THRB: variants seen among roughly 807,000 people sequenced by gnomAD.
THRB encodes thyroid hormone receptor beta.
In THRB, 12 loss-of-function variants were observed where a neutral mutation model predicts 47.8. The observed-to-expected ratio is 0.25, with a 90% CI of 0.16 to 0.41. The LOEUF (loss-of-function observed/expected upper bound fraction) is 0.41. THRB is among the 10% of genes least tolerant of loss of function. The pLI is 1.00. For synonymous variants in THRB, 218 were observed against 212.2 expected (o/e 1.03, Z -0.24); for missense variants, 348 against 589.2 (o/e 0.59, Z 4.24).
intron 4 of THRB, among the ~76,000 whole-genome samples, chr3:24,190,706 G>C (rs1368894552): frequency 1.3e-5 from 2 of 151,958 alleles, no homozygotes; most frequent in Non-Finnish European, 2.9e-5. Context: ...GGCTGGCCGT[G>C]AACACTTTTC....
chr3:24,459,238 G>C (rs906601664), intron 1 of THRB: 28 of 152,176 alleles, frequency 1.8e-4, no homozygotes, highest in African/African-American at 6.5e-4. Context: ...GTTTGTGATA[G>C]CTTGCTGAGA....
At chr3:24,308,404 G>C (rs979282361) in intron 2 of THRB, among the ~76,000 whole-genome samples, 1 of 152,174 alleles carries the variant, frequency 6.6e-6, no homozygotes, top group East Asian at 1.9e-4. Context: ...TCTTTGCCAA[G>C]CCTTGTTTGA....
intron 1 of THRB, among the ~76,000 whole-genome samples, chr3:24,386,473 C>A (rs2066113107): frequency 6.6e-6 from 1 of 152,078 alleles, no homozygotes; most frequent in Non-Finnish European, 1.5e-5. Context: ...GGAATAAAAA[C>A]CCCAACCCCT....
rs938074190 is a variant in THRB at position 24,479,142 on chromosome 3, C to CA, written c.-261+15509dup. ...TGAAACCCCGTCTCTATTAAAAATA[C>CA]AAAAAAAAAATTTGCCTGGCGTGGT... On this transcript the variant is annotated intron_variant, in intron 1 of 10. Transcript: ENST00000646209. Among the ~76,000 whole-genome samples, 498 of 149,420 alleles carry CA rather than the reference C, an allele frequency of 3.3e-3. 3 individuals carry two copies. The highest frequency in any genetic ancestry group is 9.7e-3 in the African/African-American group (396 of 40,858).
chr3:24,391,621 A>G (rs2066574480), intron 1 of THRB, among the ~76,000 whole-genome samples: 1 of 152,184 alleles, frequency 6.6e-6, no homozygotes, highest in African/African-American at 2.4e-5. Context: ...ACGTATAAAC[A>G]GGGCATTCAT....
At chr3:24,170,236 C>T (rs1464142598) in intron 5 of THRB, among the ~76,000 whole-genome samples, 1 of 152,184 alleles carries the variant, frequency 6.6e-6, no homozygotes, top group Non-Finnish European at 1.5e-5. Context: ...CCCTTCACTA[C>T]CTAAATCCAA....
intron 2 of THRB, among the ~76,000 whole-genome samples, chr3:24,316,564 G>A (rs2058126507): frequency 6.7e-6 from 1 of 148,524 alleles, no homozygotes; most frequent in African/African-American, 2.5e-5. Context: ...TGCCCCTAGA[G>A]TCTACACAAC....
intron 1 of THRB, among the ~76,000 whole-genome samples, chr3:24,473,844 A>C (rs1172056643): frequency 6.6e-6 from 1 of 152,204 alleles, no homozygotes; most frequent in East Asian, 1.9e-4. Context: ...AGGAACAGAA[A>C]ACCAAACACC....
chr3:24,469,273 ATAGCACAATTTC>A (rs2074382606), intron 1 of THRB, among the ~76,000 whole-genome samples: 1 of 152,216 alleles, frequency 6.6e-6, no homozygotes, highest in South Asian at 2.1e-4. Flanking sequence ...TTCTGGGCTC[ATAGCACAATTTC>A]TAGCACATAA....
At chr3:24,354,474 G>A (rs976539531) in intron 1 of THRB, among the ~76,000 whole-genome samples, 15 of 152,118 alleles carry the variant, frequency 9.9e-5, no homozygotes, top group Non-Finnish European at 1.9e-4. Context: ...GAGTGACTAG[G>A]ATCTCACCAT....
chr3:24,481,680 T>C (rs1414037802), intron 1 of THRB, among the ~76,000 whole-genome samples: 1 of 152,040 alleles, frequency 6.6e-6, no homozygotes, highest in African/African-American at 2.4e-5. Flanking sequence ...CATGTTTCAG[T>C]GGGGCAGAAC....
chr3:24,169,675 AATAATATATATTATATATATATATT>A (rs1022796818), intron 5 of THRB, among the ~76,000 whole-genome samples: 1 of 147,924 alleles, frequency 6.8e-6, no homozygotes, highest in African/African-American at 2.5e-5. Context: ...TAATAATTAT[AATAATATATATTATATATATATATT>A]ATAATATATA....
chr3:24,193,332 T>G (rs997364994), intron 4 of THRB, among the ~76,000 whole-genome samples: 1 of 152,180 alleles, frequency 6.6e-6, no homozygotes, highest in African/African-American at 2.4e-5. Context: ...AGACCAGGCT[T>G]TTTGAAATTT....
intron 3 of THRB, among the ~76,000 whole-genome samples, chr3:24,287,007 G>A (rs955353925): frequency 6.6e-6 from 1 of 152,104 alleles, no homozygotes; most frequent in African/African-American, 2.4e-5. Flanking sequence ...AAATTCCAAG[G>A]AATAAAATTT....
chr3:24,203,160 C>T (rs1359299948), intron 4 of THRB, among the ~76,000 whole-genome samples: 3 of 152,326 alleles, frequency 2.0e-5, no homozygotes, highest in East Asian at 1.9e-4. Flanking sequence ...TGCCTGGAAT[C>T]CCAGCACTTT....
chr3:24,133,472 A>T lies in THRB; in HGVS notation c.739-10T>A, dbSNP rs774133777. ...GTCCAATGTCTTCTGGCTAAGGAGG[A>T]GAAAAAAGAAAGATTTAAATGAAGA... On this transcript the variant is annotated splice_polypyrimidine_tract_variant and intron_variant, in intron 8 of 10. Transcript: ENST00000646209. 3 of 1,613,742 alleles carry T rather than the reference A, an allele frequency of 1.9e-6. No homozygotes were observed. The African/African-American group carries it at 4.0e-5, about 22-fold the overall frequency.
chr3:24,158,717 A>G lies in THRB; in HGVS notation c.284-6227T>C, dbSNP rs932038478. On this transcript the variant is annotated intron_variant, in intron 5 of 10. Coordinates refer to ENST00000646209, the MANE Select transcript of THRB (RefSeq NM_001354712.2). ...GGTGCTGGGATTATAGGCGTGAGCC[A>G]CTGCTCCCGGCCTGAGAACATATTT... Among the ~76,000 whole-genome samples the G allele has an allele frequency of 2.6e-5, 4 of 152,364 alleles. No individual in the cohort carries two copies. In the South Asian group the frequency reaches 8.3e-4, roughly 32 times the overall value.
intron 3 of THRB, among the ~76,000 whole-genome samples, chr3:24,259,620 CTTTTTTTTTT>C (rs10671187): frequency 4.1e-4 from 40 of 98,256 alleles, no homozygotes; most frequent in African/African-American, 1.4e-3. Flanking sequence ...CTCTGCTTAC[CTTTTTTTTTT>C]TTTTTTTTTT....
At chr3:24,325,898 A>G (rs1037232826) in intron 2 of THRB, among the ~76,000 whole-genome samples, 1 of 152,240 alleles carries the variant, frequency 6.6e-6, no homozygotes, top group Non-Finnish European at 1.5e-5. Context: ...AATGAAAACA[A>G]CAACAAGAGA....
Sources: gnomAD v4.1 joint callset for allele counts (sites outside exome capture counted in the v4.1 genomes callset) on GRCh38, gnomAD v4.1.1 for gene constraint, MANE v1.5 for transcripts, NCBI Gene and HGNC (gene_info 2026-07-23, HGNC 2026-07-21) for gene names.